CHD8: variants seen among roughly 807,000 people sequenced by gnomAD.
The protein encoded by CHD8 is ATP-dependent chromatin remodeler CHD8.
In CHD8, 31 loss-of-function variants were observed where a neutral mutation model predicts 279.2. The observed-to-expected ratio is 0.11, with a 90% CI of 0.08 to 0.15. The LOEUF is 0.15. Among genes scored for constraint, CHD8 ranks in the 10% least tolerant of loss-of-function variants. CHD8 has a pLI of 1.00. For synonymous variants in CHD8, 1,081 were observed against 1,139.6 expected, an observed-to-expected ratio of 0.95 and a Z score of 1.04; for missense variants, 2,146 against 3,230.5, an observed-to-expected ratio of 0.66 and a Z score of 8.14.
At position 21,409,911 on chromosome 14, in the gene CHD8, A is replaced by C; in HGVS notation, c.2304T>G (p.Asp768Glu). The change falls in exon 11 of 38, where the codon GAT (aspartate) becomes GAG (glutamate). Residue 768 changes from aspartate (D) to glutamate (E), a missense_variant. This residue lies in a region of CHD8 where 211 missense variants were observed against 464.7 expected (regional missense o/e 0.45). Coordinates refer to ENST00000646647, the MANE Select transcript of CHD8 (RefSeq NM_001170629.2). ...GTTTAAATTCTCGAATCTTGCCCTC[A>C]TCAACATCTTCTTTTAGCTCCCATG... ...DSTWELKEDV[D>E]EGKIREFKRI... 6.2e-7 allele frequency: 1 copy of C among 1,613,838 alleles called. No homozygotes were observed. The highest frequency in any genetic ancestry group is 8.5e-7 in the Non-Finnish European group (1 of 1,179,790).
At chr14:21,426,487 C>A (rs2139527816) in intron 4 of CHD8, 1 of 419,786 alleles carries the variant, frequency 2.4e-6, no homozygotes, top group Non-Finnish European at 4.2e-6. Flanking sequence ...TCACAAATAC[C>A]TGAAGGAAGG....
At position 21,418,481 on chromosome 14, in the gene CHD8, C is replaced by A. The variant is rs1888848033; in HGVS notation, c.1717-2574G>T. 3.3e-5 allele frequency among the ~76,000 whole-genome samples: 5 copies of A among 151,628 alleles called. No individual in the cohort carries two copies. The South Asian group carries it at 1.0e-3, about 31-fold the overall frequency. ...GTTGCAGTGAGCCAAGATCACGCCA[C>A]TGCACTCTAGCCTGGGTGAGAGTGA... On this transcript the variant is annotated intron_variant, in intron 5 of 37. Coordinates refer to ENST00000646647, the MANE Select transcript of CHD8 (RefSeq NM_001170629.2).
chr14:21,405,109 G>A lies in CHD8; in HGVS notation c.3307+100C>T. On this transcript the variant is annotated intron_variant, in intron 16 of 37. Coordinates refer to ENST00000646647, the MANE Select transcript of CHD8 (RefSeq NM_001170629.2). The surrounding 1 kb of genome is among the most constrained non-coding windows in gnomAD (Gnocchi z 4.2). ...ATTCCTCAGTCCGCACCCCAAATTA[G>A]GTTGGTTGAGTCAATGCATCCATTG... The A allele has an allele frequency of 1.7e-6, 2 of 1,177,990 alleles. No homozygotes were observed. The highest frequency in any genetic ancestry group is 2.4e-6 in the Non-Finnish European group (2 of 825,232). The allele number at this position is 1,177,990 out of a possible 1,614,324, so 73.0% of individuals were successfully genotyped here.
chr14:21,446,299 CTTAA>C (rs1890118381), intron 1 of CHD8, among the ~76,000 whole-genome samples: 1 of 146,942 alleles, frequency 6.8e-6, no homozygotes, highest in Non-Finnish European at 1.5e-5. Context: ...TATTAACATA[CTTAA>C]TTTTCTTCTT....
Position 21,403,215 on chromosome 14 carries a change from G to A in CHD8, c.3519-3C>T, listed in dbSNP as rs781665860. 2.5e-6 allele frequency: 4 copies of A among 1,611,918 alleles called. No homozygotes were observed. The highest frequency in any genetic ancestry group is 1.7e-5 in the Admixed American group (1 of 59,692). On this transcript the variant is annotated splice_polypyrimidine_tract_variant and splice_region_variant and intron_variant, in intron 17 of 37. Coordinates refer to ENST00000646647, the MANE Select transcript of CHD8 (RefSeq NM_001170629.2). The surrounding 1 kb of genome is among the most constrained non-coding windows in gnomAD (Gnocchi z 4.3). ...CATCAATACGTTCATATAAGTACCT[G>A]TATGGGAATCGCAGAAAAAAAATGT...
chr14:21,386,808 C>A (rs1887266647), intron 37 of CHD8, among the ~76,000 whole-genome samples: 1 of 150,686 alleles, frequency 6.6e-6, no homozygotes, highest in East Asian at 2.0e-4. Flanking sequence ...CACTGCACTC[C>A]AGCCTGAGCG....
At chr14:21,391,802 C>A in intron 35 of CHD8, 31 bp downstream of exon 35, 14 of 1,559,558 alleles carry the variant, frequency 9.0e-6, no homozygotes, top group Non-Finnish European at 1.2e-5. Flanking sequence ...ACAATCTAAT[C>A]GTCAGGTTAA....
chr14:21,454,170 A>C (rs1230797854), intron 1 of CHD8, among the ~76,000 whole-genome samples: 1 of 114,142 alleles, frequency 8.8e-6, no homozygotes, highest in African/African-American at 5.2e-5. Context: ...AAAAAAAGAA[A>C]AGAAAAGAAA....
At chr14:21,397,352 C>CA (rs1197775799) in intron 27 of CHD8, 1 of 518,926 alleles carries the variant, frequency 1.9e-6, no homozygotes, top group Non-Finnish European at 3.8e-6. Flanking sequence ...ACCAGGGCAA[C>CA]ACTGCCCTAC....
chr14:21,429,486 G>A (rs1889473673), intron 2 of CHD8, 151 bp from the exon 3 acceptor site: 4 of 861,410 alleles, frequency 4.6e-6, no homozygotes, highest in Non-Finnish European at 7.9e-6. Flanking sequence ...TATCTGTCTT[G>A]ATGCAATCTT....
At chr14:21,448,939 C>G (rs921392941) in intron 1 of CHD8, among the ~76,000 whole-genome samples, 1 of 151,114 alleles carries the variant, frequency 6.6e-6, no homozygotes, top group Non-Finnish European at 1.5e-5. Context: ...CTTTGGGAGG[C>G]CGAGGCGGGC....
Position 21,386,057 on chromosome 14 carries a change from C to A in CHD8, c.7302G>T (p.Gln2434His). 1 of 1,590,508 alleles carries A rather than the reference C, an allele frequency of 6.3e-7. No individual in the cohort carries two copies. The highest frequency in any genetic ancestry group is 8.6e-7 in the Non-Finnish European group (1 of 1,168,096). The change falls in exon 38 of 38, where the codon CAG (glutamine) becomes CAT (histidine). Residue 2434 changes from glutamine (Q) to histidine (H), a missense_variant. Gln to His is a conservative substitution (Grantham distance 24). Transcript: ENST00000646647. ...PDLSKMMALM[Q>H]GGSTGSLSLH... ...GAGATAGAGACCCAGTGCTTCCACC[C>A]TGCATGAGGGCCATCATCTTAGAAA...
rs758426178 is a variant in CHD8 at position 21,400,319 on chromosome 14, G to A, written c.4571-12C>T. The stretch of plus-strand genomic sequence containing the variant: ...AGGGATAGATAGACCTGGGAAAGGG[G>A]AGACATCAAAGACTTGGATTGAGAA... On this transcript the variant is annotated splice_polypyrimidine_tract_variant and intron_variant, in intron 23 of 37. Transcript: ENST00000646647. The surrounding 1 kb of genome is among the most constrained non-coding windows in gnomAD (Gnocchi z 4.2). 9.3e-6 allele frequency: 15 copies of A among 1,613,562 alleles called. No homozygotes were observed. The highest frequency in any genetic ancestry group is 1.1e-5 in the Non-Finnish European group (13 of 1,179,832).
At position 21,408,121 on chromosome 14, in the gene CHD8, TA is replaced by T. The variant is rs796398359; in HGVS notation, c.2730+190del. ...TCTACCAGATCAAATGTCTACTAGGTAAAAAAAATAGCAAAGTCAAAAAAAT... is the reference window on the plus strand; with the variant it reads ...TCTACCAGATCAAATGTCTACTAGGTAAAAAAATAGCAAAGTCAAAAAAAT... On this transcript the variant is annotated intron_variant, in intron 13 of 37. Transcript: ENST00000646647. This position sits in a 1 kb window ranked among gnomAD's most constrained non-coding sequence, Gnocchi z 4.3. Among the ~76,000 whole-genome samples, 3 of 151,724 alleles carry T rather than the reference TA, an allele frequency of 2.0e-5. No individual in the cohort carries two copies. In the East Asian group the frequency reaches 5.8e-4, roughly 29 times the overall value.
chr14:21,401,500 G>T lies in CHD8; in HGVS notation c.4076C>A (p.Ala1359Asp). 1 of 1,574,698 alleles carries T rather than the reference G, an allele frequency of 6.4e-7. No individual in the cohort carries two copies. Among genetic ancestry groups the T allele is most frequent in the Admixed American group, 1.9e-5 (1 of 52,026 alleles). ...AGAAATATCTGTCCTGTTTTCAGAAGCAACAAAGCTTGCCTAGAGAAAAAC... is the reference window on the plus strand; with the variant it reads ...AGAAATATCTGTCCTGTTTTCAGAATCAACAAAGCTTGCCTAGAGAAAAAC... ...GSTFAKASFVASENRTDISLD... is the reference protein window; with the variant it reads ...GSTFAKASFVDSENRTDISLD... Residue 1359 changes from alanine (A) to aspartate (D), a missense_variant, in exon 21 of 38, where the codon GCT (alanine) becomes GAT (aspartate). By Grantham distance (126) the Ala-to-Asp change is moderately radical. Transcript: ENST00000646647.
intron 1 of CHD8, among the ~76,000 whole-genome samples, chr14:21,440,863 G>A (rs1215581548): frequency 6.6e-6 from 1 of 152,098 alleles, no homozygotes; most frequent in African/African-American, 2.4e-5. Context: ...GGGGGTGAGA[G>A]GACAGAGGAC....
chr14:21,428,916 C>A (rs1008032024), intron 3 of CHD8, 48 bp downstream of exon 3: 5 of 1,594,094 alleles, frequency 3.1e-6, no homozygotes, highest in Non-Finnish European at 2.6e-6. Context: ...CAGCAATGGA[C>A]TAAGTATTTT....
chr14:21,419,162 G>A (rs781671113), intron 5 of CHD8, among the ~76,000 whole-genome samples: 7 of 152,034 alleles, frequency 4.6e-5, no homozygotes, highest in Non-Finnish European at 8.8e-5. Context: ...ATTTCTGGAT[G>A]ACTTGATTTT....
At chr14:21,447,106 G>A (rs1470062125) in intron 1 of CHD8, among the ~76,000 whole-genome samples, 1 of 152,154 alleles carries the variant, frequency 6.6e-6, no homozygotes, top group Non-Finnish European at 1.5e-5. Context: ...GACAACAAAA[G>A]GACAGTAGCA....
Sources: allele counts gnomAD v4.1 joint callset (sites outside exome capture counted in the v4.1 genomes callset), GRCh38; gene constraint gnomAD v4.1.1; regional missense constraint gnomAD v4.1.1; non-coding constraint Gnocchi (gnomAD v3.1); transcripts MANE v1.5; gene names NCBI Gene and HGNC (gene_info 2026-07-23, HGNC 2026-07-21).